The following AOPEP variants were observed in gnomAD, a reference collection of about 807,000 sequenced individuals.
The protein encoded by AOPEP is aminopeptidase O.
AOPEP carries 77 observed loss-of-function variants against 98.1 expected under a neutral mutation model. The ratio of observed to expected loss-of-function variants is 0.78; its 90% CI spans 0.65 to 0.95. The LOEUF (loss-of-function observed/expected upper bound fraction) is 0.95, where lower values mean the gene tolerates loss of function less well. Ranked by LOEUF, AOPEP falls within the 40% of genes least tolerant of loss-of-function variation. AOPEP has a pLI of 0.00. For synonymous variants in AOPEP, 346 were observed against 365.3 expected (o/e 0.95, Z 0.60); for missense variants, 1,024 against 1,024.7 (o/e 1.00, Z 0.01).
chr9:94,992,784 T>C (rs2060981203), intron 11 of AOPEP, among the ~76,000 whole-genome samples: 1 of 152,234 alleles, frequency 6.6e-6, no homozygotes, highest in Non-Finnish European at 1.5e-5. Context: ...AATGCAGGTG[T>C]ACCTGGTCGC....
intron 13 of AOPEP, among the ~76,000 whole-genome samples, chr9:95,006,630 C>A (rs762818332): frequency 1.3e-5 from 2 of 152,116 alleles, no homozygotes; most frequent in Non-Finnish European, 2.9e-5. Context: ...GCTGGACTTT[C>A]AGTGTGCATG....
chr9:94,949,595 G>A (rs1316265523), intron 7 of AOPEP, among the ~76,000 whole-genome samples: 3 of 152,206 alleles, frequency 2.0e-5, no homozygotes, highest in African/African-American at 7.2e-5. Flanking sequence ...TTCCTGCTGG[G>A]TAGCTGTTAA....
the AOPEP span, among the ~76,000 whole-genome samples, chr9:95,094,161 C>T: frequency 6.6e-6 from 1 of 151,994 alleles, no homozygotes; most frequent in Non-Finnish European, 1.5e-5. Context: ...TGTTGGCTGT[C>T]GCATCCTGCA....
chr9:94,793,191 C>T (rs1846123505), intron 4 of AOPEP, among the ~76,000 whole-genome samples: 1 of 151,480 alleles, frequency 6.6e-6, no homozygotes, highest in South Asian at 2.1e-4. Flanking sequence ...TGGTGAAACC[C>T]CCGTCTCTAC....
intron 1 of AOPEP, among the ~76,000 whole-genome samples, chr9:94,740,425 CA>C (rs1168740731): frequency 6.6e-6 from 1 of 152,078 alleles, no homozygotes; most frequent in Non-Finnish European, 1.5e-5. Flanking sequence ...CCAGGATTAG[CA>C]AGGCTCCAAG....
At chr9:94,921,916 C>T (rs977165790) in intron 5 of AOPEP, among the ~76,000 whole-genome samples, 9 of 152,202 alleles carry the variant, frequency 5.9e-5, no homozygotes, top group African/African-American at 1.7e-4. Flanking sequence ...CATTTACCCC[C>T]GACTCAGAAG....
intron 1 of AOPEP, among the ~76,000 whole-genome samples, chr9:94,747,768 A>G (rs1784152921): frequency 6.6e-6 from 1 of 152,216 alleles, no homozygotes; most frequent in African/African-American, 2.4e-5. Context: ...AGCTGAAAGA[A>G]GAGTGCTGAA....
intron 3 of AOPEP, among the ~76,000 whole-genome samples, chr9:94,785,783 A>G (rs1844301212): frequency 6.6e-6 from 1 of 152,230 alleles, no homozygotes; most frequent in Non-Finnish European, 1.5e-5. Flanking sequence ...AGTCTAGTGC[A>G]AGTGGATTGA....
rs1837853531 is a variant in AOPEP, at chr9:94,759,812, A to G, written c.29A>G (p.Asp10Gly). Residue 10 changes from aspartate to glycine, a missense_variant, in exon 2 of 17, where the codon GAT becomes GGT. Physicochemically the swap from Asp to Gly is moderately conservative, Grantham distance 94. This residue lies in a region of AOPEP where 440 missense variants were observed against 433.8 expected (regional missense o/e 1.01). Transcript: ENST00000375315. MDIQLDPARDDLPLMANTSH... is the reference protein window; with the variant it reads MDIQLDPARGDLPLMANTSH... ...GACATACAGCTGGACCCTGCCAGAG[A>G]TGACCTGCCTCTCATGGCCAACACC... 1.9e-6 allele frequency: 3 copies of G among 1,614,122 alleles called. No individual in the cohort carries two copies. The highest frequency in any genetic ancestry group is 2.5e-6 in the Non-Finnish European group (3 of 1,180,018).
the AOPEP span, among the ~76,000 whole-genome samples, chr9:95,129,255 T>C: frequency 6.6e-6 from 1 of 152,186 alleles, no homozygotes; most frequent in Non-Finnish European, 1.5e-5. Flanking sequence ...TTTGAGCACA[T>C]AATTTCAGGG....
the AOPEP span, among the ~76,000 whole-genome samples, chr9:95,134,383 G>C: frequency 6.6e-6 from 1 of 152,176 alleles, no homozygotes; most frequent in Admixed American, 6.5e-5. Flanking sequence ...CTCAGTCTCA[G>C]CTCAAGGGCG....
At chr9:94,874,042 A>G (rs956345840) in intron 5 of AOPEP, among the ~76,000 whole-genome samples, 8 of 152,188 alleles carry the variant, frequency 5.3e-5, no homozygotes, top group African/African-American at 1.9e-4. Context: ...ATTAGAAATA[A>G]CTATGTTTTA....
At chr9:94,952,548 T>C (rs982361245) in intron 7 of AOPEP, among the ~76,000 whole-genome samples, 1 of 152,226 alleles carries the variant, frequency 6.6e-6, no homozygotes, top group African/African-American at 2.4e-5. Flanking sequence ...TGGACCTGAC[T>C]TCTTTGGCTG....
At chr9:95,116,815 G>A in the AOPEP span, among the ~76,000 whole-genome samples, 4 of 152,212 alleles carry the variant, frequency 2.6e-5, no homozygotes, top group Admixed American at 2.6e-4. Flanking sequence ...GAGAGGCTGT[G>A]GATGAAGCAC....
rs143756145 is a variant in AOPEP, at chr9:94,972,964, ACT to A, written c.1916+5166_1916+5167del. Among the ~76,000 whole-genome samples the A allele has an allele frequency of 1.6e-4, 24 of 151,938 alleles. No homozygotes were observed. Among genetic ancestry groups the A allele is most frequent in the Non-Finnish European group, 2.5e-4 (17 of 67,952 alleles). On this transcript the variant is annotated intron_variant, in intron 10 of 16. Coordinates refer to ENST00000375315, the MANE Select transcript of AOPEP (RefSeq NM_001193329.3). The surrounding 1 kb of genome is among the most constrained non-coding windows in gnomAD (Gnocchi z 4.2). ...AAAAAAAAAAGGAAGAAAATAAGTA[ACT>A]CTGCACAGCTTTGAGATCCACCCAC...
At chr9:94,998,260 T>C (rs2061359047) in intron 11 of AOPEP, among the ~76,000 whole-genome samples, 1 of 151,544 alleles carries the variant, frequency 6.6e-6, no homozygotes, top group African/African-American at 2.4e-5. Flanking sequence ...GAGTATTCCA[T>C]TTCCAACCAG....
At chr9:95,024,914 CT>C (rs1439004610) in intron 13 of AOPEP, among the ~76,000 whole-genome samples, 1 of 152,054 alleles carries the variant, frequency 6.6e-6, no homozygotes, top group Non-Finnish European at 1.5e-5. Context: ...TATTCAAAAC[CT>C]TTTTTTCCCC....
chr9:94,808,708 G>A (rs1849799688), intron 5 of AOPEP, among the ~76,000 whole-genome samples: 1 of 152,226 alleles, frequency 6.6e-6, no homozygotes, highest in South Asian at 2.1e-4. Context: ...GGAAATCTTG[G>A]AACTTCATTC....
intron 5 of AOPEP, among the ~76,000 whole-genome samples, chr9:94,923,280 C>T (rs764122120): frequency 1.3e-5 from 2 of 152,208 alleles, no homozygotes; most frequent in Non-Finnish European, 2.9e-5. Context: ...ATCTCCCTGT[C>T]TGGTGCCAGT....
Sources: allele counts gnomAD v4.1 joint callset (sites outside exome capture counted in the v4.1 genomes callset), GRCh38; gene constraint gnomAD v4.1.1; regional missense constraint gnomAD v4.1.1; non-coding constraint Gnocchi (gnomAD v3.1); transcripts MANE v1.5; gene names NCBI Gene and HGNC (gene_info 2026-07-23, HGNC 2026-07-21).